LRRK2: variants seen among roughly 807,000 people sequenced by gnomAD.
LRRK2 encodes leucine-rich repeat serine/threonine-protein kinase 2.
A neutral mutation model predicts 302.6 loss-of-function variants in LRRK2; 203 were observed. The observed-to-expected ratio is 0.67, with a 90% CI of 0.60 to 0.75. The LOEUF (loss-of-function observed/expected upper bound fraction) is 0.75. Among genes scored for constraint, LRRK2 ranks in the 30% least tolerant of loss-of-function variants. The pLI is 0.00. For missense variants in LRRK2, 2,830 were observed against 2,951.0 expected (o/e 0.96, Z 0.95); for synonymous variants, 1,066 against 1,031.9 (o/e 1.03, Z -0.63).
At chr12:40,295,037 A>T (rs1005237418) in intron 22 of LRRK2, 123 bp downstream of exon 22, 8 of 641,038 alleles carry the variant, frequency 1.2e-5, no homozygotes, top group Admixed American at 2.7e-5. Flanking sequence ...ATCTTCATAT[A>T]TATTTACCTA....
intron 39 of LRRK2, among the ~76,000 whole-genome samples, chr12:40,333,414 T>C (rs1365651239): frequency 1.3e-5 from 2 of 152,192 alleles, no homozygotes; most frequent in Non-Finnish European, 2.9e-5. Context: ...GTTTAAAGCA[T>C]GAATCAATTT....
intron 4 of LRRK2, among the ~76,000 whole-genome samples, chr12:40,236,349 G>A (rs1378506948): frequency 6.6e-6 from 1 of 152,176 alleles, no homozygotes; most frequent in African/African-American, 2.4e-5. Context: ...CTGAAGTGCA[G>A]AGAAGTTGCT....
At chr12:40,236,937 A>G (rs1472301691) in intron 4 of LRRK2, among the ~76,000 whole-genome samples, 5 of 152,114 alleles carry the variant, frequency 3.3e-5, no homozygotes, top group Non-Finnish European at 5.9e-5. Context: ...AAATCTACCA[A>G]CACTGGAATA....
chr12:40,239,002 A>G (rs1941599208), intron 5 of LRRK2, among the ~76,000 whole-genome samples: 1 of 152,190 alleles, frequency 6.6e-6, no homozygotes, highest in Non-Finnish European at 1.5e-5. Context: ...CATATTTACA[A>G]AGGGGTGGGC....
intron 41 of LRRK2, among the ~76,000 whole-genome samples, chr12:40,345,049 C>G (rs903771776): frequency 3.3e-5 from 5 of 152,112 alleles, no homozygotes; most frequent in African/African-American, 9.7e-5. Context: ...TGCTGGTAGT[C>G]TCTCTGTCAA....
intron 48 of LRRK2, 103 bp downstream of exon 48, chr12:40,363,657 T>G: frequency 2.3e-6 from 3 of 1,325,722 alleles, no homozygotes; most frequent in Non-Finnish European, 2.1e-6. Flanking sequence ...GAATAGAGAA[T>G]TTTTTTAAAA....
intron 46 of LRRK2, among the ~76,000 whole-genome samples, chr12:40,358,374 A>G (rs570138877): frequency 6.6e-6 from 1 of 152,234 alleles, no homozygotes; most frequent in East Asian, 1.9e-4. Context: ...CTTACATTTA[A>G]GTCTTTAATC....
intron 46 of LRRK2, among the ~76,000 whole-genome samples, chr12:40,356,653 A>G (rs913484553): frequency 6.6e-6 from 1 of 152,092 alleles, no homozygotes; most frequent in African/African-American, 2.4e-5. Flanking sequence ...CCATCTATTC[A>G]CTCAACTTCC....
chr12:40,267,576 A>T (rs534942012), intron 14 of LRRK2, among the ~76,000 whole-genome samples: 1 of 152,168 alleles, frequency 6.6e-6, no homozygotes, highest in Non-Finnish European at 1.5e-5. Flanking sequence ...AAGTGCTGTG[A>T]TGTGGAGAAA....
At chr12:40,366,940 C>A in intron 49 of LRRK2, 66 bp from the exon 50 acceptor site, 1 of 1,250,470 alleles carries the variant, frequency 8.0e-7, no homozygotes, top group Non-Finnish European at 1.2e-6. Flanking sequence ...AACAACTTTA[C>A]TTTTTTTTCA....
intron 19 of LRRK2, 139 bp from the exon 20 acceptor site, chr12:40,287,212 A>G (rs914046463): frequency 1.4e-6 from 1 of 716,334 alleles, no homozygotes; most frequent in African/African-American, 1.8e-5. Context: ...ATTCAGGATC[A>G]CTAGTGTAAG....
rs1944913201 is a variant in LRRK2, at chr12:40,308,480, C to A, written c.3973C>A (p.Arg1325=). 2 of 1,613,134 alleles carry A rather than the reference C, an allele frequency of 1.2e-6. No individual in the cohort carries two copies. Among genetic ancestry groups the A allele is most frequent in the Non-Finnish European group, 1.7e-6 (2 of 1,179,594 alleles). ...AKDIIRFLQQ[R]LKKAVPYNRM... ...TTCAAATACTAGGTTTCTTCAACAG[C>A]GATTAAAAAAGGCTGTGCCTTATAA... is the stretch of plus-strand genomic sequence containing the variant. The change falls in exon 29 of 51, where the codon CGA becomes AGA. Residue 1325 remains arginine, a synonymous_variant. Coordinates refer to ENST00000298910, the MANE Select transcript of LRRK2 (RefSeq NM_198578.4).
chr12:40,364,170 T>C (rs1383501579), intron 48 of LRRK2, among the ~76,000 whole-genome samples: 1 of 151,992 alleles, frequency 6.6e-6, no homozygotes, highest in African/African-American at 2.4e-5. Context: ...AGATCTATGA[T>C]ACTCTTGAGA....
chr12:40,309,236 G>A lies in LRRK2; in HGVS notation c.4317+3G>A, dbSNP rs747703290. The A allele has an allele frequency of 9.3e-6, 15 of 1,612,652 alleles. No individual in the cohort carries two copies. The highest frequency in any genetic ancestry group is 3.3e-5 in the Admixed American group (2 of 59,824). ...AGCCTTGGCTCTTCAATATAAAGGT[G>A]ATTTGTTCTGATCATTTGAAAATAG... On this transcript the variant is annotated splice_donor_region_variant and intron_variant, in intron 30 of 50. Transcript: ENST00000298910.
chr12:40,259,834 A>G, intron 13 of LRRK2, among the ~76,000 whole-genome samples: 1 of 152,218 alleles, frequency 6.6e-6, no homozygotes. Flanking sequence ...AAGTAACTAC[A>G]ATGTAAAATG....
intron 24 of LRRK2, 121 bp from the exon 25 acceptor site, chr12:40,298,988 A>G: frequency 1.2e-6 from 1 of 835,950 alleles, no homozygotes; most frequent in Non-Finnish European, 1.7e-6. Context: ...TTTTACAACT[A>G]ATTTTTAAAT....
Position 40,322,102 on chromosome 12 carries a change from T to A in LRRK2, c.5238T>A (p.Ala1746=). The change falls in exon 36 of 51, where the codon GCT becomes GCA. Residue 1746 remains alanine, a synonymous_variant. Coordinates refer to ENST00000298910, the MANE Select transcript of LRRK2 (RefSeq NM_198578.4). ...QGIYLNWSPE[A]YCLVGSEVLD... is the part of the protein sequence containing the mutation. ...TTTACTTAAATTGGTCTCCTGAAGC[T>A]TATTGTCTGGTAGGATCTGAAGTCT... 1 of 1,613,496 alleles carries A rather than the reference T, an allele frequency of 6.2e-7. No individual in the cohort carries two copies. The highest frequency in any genetic ancestry group is 8.5e-7 in the Non-Finnish European group (1 of 1,179,524).
intron 20 of LRRK2, among the ~76,000 whole-genome samples, chr12:40,289,402 A>G (rs1944055449): frequency 6.6e-6 from 1 of 151,312 alleles, no homozygotes; most frequent in African/African-American, 2.4e-5. Flanking sequence ...TTGCATTTCC[A>G]TATAAATTTT....
At chr12:40,281,274 A>G (rs1270432421) in intron 18 of LRRK2, among the ~76,000 whole-genome samples, 1 of 152,242 alleles carries the variant, frequency 6.6e-6, no homozygotes, top group Non-Finnish European at 1.5e-5. Context: ...AAGCTGAGGC[A>G]CTGAGGGTTT....
Sources: gnomAD v4.1 joint callset for allele counts (sites outside exome capture counted in the v4.1 genomes callset) on GRCh38, gnomAD v4.1.1 for gene constraint, MANE v1.5 for transcripts, NCBI Gene and HGNC (gene_info 2026-07-23, HGNC 2026-07-21) for gene names.